CENPE: variants seen among roughly 807,000 people sequenced by gnomAD.
CENPE encodes the protein centromere protein E.
In CENPE, 145 loss-of-function variants were observed where a neutral mutation model predicts 336.1. That is an observed-to-expected ratio of 0.43 (90% CI 0.38 to 0.50). CENPE has a LOEUF of 0.50. CENPE is among the 20% of genes least tolerant of loss of function. The pLI is 0.00. For synonymous variants in CENPE, 1,013 were observed against 984.8 expected (o/e 1.03, Z -0.54); for missense variants, 2,719 against 3,023.3 (o/e 0.90, Z 2.36).
rs1157652928 is a variant in CENPE, at chr4:103,106,101, CAAAGT to C, written c.*116_*120del. ...TTCCCTTATCTTTCAACTCTAGTGG[CAAAGT>C]AAAGACTGAATTGAAATTAAGCTGC... On this transcript the variant is annotated 3_prime_UTR_variant, in exon 49 of 49. Transcript: ENST00000265148. The C allele has an allele frequency of 3.1e-5, 16 of 518,450 alleles. No homozygotes were observed. The East Asian group carries it at 4.3e-4, about 14-fold the overall frequency. 32.1% of individuals were successfully genotyped at this position (518,450 alleles called of 1,614,324 possible). A position where few individuals can be genotyped will look rare whatever the true frequency, so the allele number is the denominator to read the frequency against.
At chr4:103,160,857 C>T in intron 20 of CENPE, 78 bp from the exon 21 acceptor site, 1 of 1,265,986 alleles carries the variant, frequency 7.9e-7, no homozygotes. Flanking sequence ...CCTTGAATCA[C>T]CTTTTTCAGG....
Position 103,163,182 on chromosome 4 carries a change from G to A in CENPE, c.1797C>T (p.Asp599=), listed in dbSNP as rs1478376264. Residue 599 remains aspartate (D), a synonymous_variant, in exon 18 of 49, where the codon GAC becomes GAT. Transcript: ENST00000265148. ...DQIKKLQEYI[D]SQKLENIKMD... The stretch of plus-strand genomic sequence containing the variant: ...TTTTTATATTTTCTAGCTTTTGAGA[G>A]TCTATGTATTCCTGTAGCTTCTTAA... 2 of 1,608,944 alleles carry A rather than the reference G, an allele frequency of 1.2e-6. No homozygotes were observed. Among genetic ancestry groups the A allele is most frequent in the African/African-American group, 2.7e-5 (2 of 74,752 alleles).
Position 103,145,700 on chromosome 4 carries a change from T to C in CENPE, c.4414-19A>G. On this transcript the variant is annotated intron_variant, in intron 30 of 48. Transcript: ENST00000265148. Reference sequence around the variant, plus strand: ...CCAGGTGCTTTATTATTAGAGGAAATTCCAATAAATTTATAGAAACATTAT... The same window carrying C: ...CCAGGTGCTTTATTATTAGAGGAAACTCCAATAAATTTATAGAAACATTAT... The C allele has an allele frequency of 6.4e-7, 1 of 1,552,098 alleles. No individual in the cohort carries two copies. The highest frequency in any genetic ancestry group is 8.6e-7 in the Non-Finnish European group (1 of 1,156,772).
At chr4:103,184,333 C>G (rs978322509) in intron 9 of CENPE, among the ~76,000 whole-genome samples, 2 of 152,164 alleles carry the variant, frequency 1.3e-5, no homozygotes, top group African/African-American at 4.8e-5. Flanking sequence ...AGTGCAGGTG[C>G]AAGCTAAACC....
At chr4:103,147,696 TA>T in intron 28 of CENPE, 50 bp from the exon 29 acceptor site, 1 of 1,520,904 alleles carries the variant, frequency 6.6e-7, no homozygotes, top group African/African-American at 1.4e-5. Flanking sequence ...ATTATGATCA[TA>T]ATTTTTTTTT....
intron 39 of CENPE, among the ~76,000 whole-genome samples, chr4:103,136,980 T>C (rs1292118081): frequency 6.6e-6 from 1 of 152,012 alleles, no homozygotes; most frequent in Non-Finnish European, 1.5e-5. Flanking sequence ...TTTTCTGGGG[T>C]CAAGTAAAAT....
intron 14 of CENPE, among the ~76,000 whole-genome samples, chr4:103,176,438 T>A (rs550115617): frequency 5.3e-5 from 8 of 152,348 alleles, no homozygotes; most frequent in African/African-American, 1.7e-4. Flanking sequence ...GCAGATGCCA[T>A]ATAACTAACA....
At position 103,196,744 on chromosome 4, in the gene CENPE, C is replaced by G. The variant is rs773375088; in HGVS notation, c.148+15G>C. ...AAGGATAACAAGGTAACTTTTGATG[C>G]TATTATAAGCTTACCAAAATTGAAG... is the stretch of plus-strand genomic sequence containing the variant. On this transcript the variant is annotated intron_variant, in intron 2 of 48. Transcript: ENST00000265148. 2 of 1,213,584 alleles carry G rather than the reference C, an allele frequency of 1.6e-6. No individual in the cohort carries two copies. The highest frequency in any genetic ancestry group is 3.0e-5 in the African/African-American group (2 of 66,090). The allele number at this position is 1,213,584 out of a possible 1,614,324, so 75.2% of individuals were successfully genotyped here. A position where few individuals can be genotyped will look rare whatever the true frequency, so the allele number is the denominator to read the frequency against.
intron 33 of CENPE, 57 bp from the exon 34 acceptor site, chr4:103,143,463 T>A: frequency 1.7e-6 from 2 of 1,143,096 alleles, no homozygotes; most frequent in African/African-American, 1.6e-5. Flanking sequence ...CCACATGCTA[T>A]AGAAAGGTAT....
rs976392355 is a variant in CENPE at position 103,139,950 on chromosome 4, T to C, written c.6043A>G (p.Ser2015Gly). 1.2e-6 allele frequency: 2 copies of C among 1,613,416 alleles called. No individual in the cohort carries two copies. Among genetic ancestry groups the C allele is most frequent in the Non-Finnish European group, 1.7e-6 (2 of 1,179,658 alleles). Reference protein sequence around the residue: ...QFEAQNLSMQSVRMDNFQLTK... With the variant: ...QFEAQNLSMQGVRMDNFQLTK... ...AACTGGAAGTTATCCATTCTCACACTTTGCATAGATAAGTTTTGGGCCTCA... is the reference window on the plus strand; with the variant it reads ...AACTGGAAGTTATCCATTCTCACACCTTGCATAGATAAGTTTTGGGCCTCA... The change falls in exon 38 of 49, where the codon AGT (serine) becomes GGT (glycine). Residue 2015 changes from serine to glycine, a missense_variant. Around this residue, in one of 5 missense-constraint regions of CENPE, gnomAD observed 2,437 missense variants for 2,513.3 expected, o/e 0.97. Coordinates refer to ENST00000265148, the MANE Select transcript of CENPE (RefSeq NM_001813.3).
chr4:103,188,078 T>G lies in CENPE; in HGVS notation c.694-2217A>C, dbSNP rs1480489733. On this transcript the variant is annotated intron_variant, in intron 8 of 48. Coordinates refer to ENST00000265148, the MANE Select transcript of CENPE (RefSeq NM_001813.3). ...ATTACATAATGGTAAAGGGATCAAT[T>G]CAACAAGAAGAGCTAACTATCCTAA... 3.4e-4 allele frequency among the ~76,000 whole-genome samples: 51 copies of G among 152,088 alleles called. 1 individual carries two copies. The highest frequency in any genetic ancestry group is 7.7e-4 in the East Asian group (4 of 5,174).
In CENPE at chr4:103,145,128, C is replaced by T. The variant is rs779573228; in HGVS notation, c.4779G>A (p.Glu1593=). 3 of 1,610,014 alleles carry T rather than the reference C, an allele frequency of 1.9e-6. No homozygotes were observed. In the African/African-American group the frequency reaches 4.0e-5, roughly 22 times the overall value. ...EEIQIMIKEK[E]EMKRVQEALQ... is the part of the protein sequence containing the mutation. ...GGGCCTCCTGTACTCTTTTCATTTCCTCTTTTTCCTTAATCATAATTTGTA... is the reference window on the plus strand; with the variant it reads ...GGGCCTCCTGTACTCTTTTCATTTCTTCTTTTTCCTTAATCATAATTTGTA... The change falls in exon 32 of 49, where the codon GAG becomes GAA. Residue 1593 remains glutamate, a synonymous_variant. Transcript: ENST00000265148.
At position 103,145,679 on chromosome 4, in the gene CENPE, G is replaced by A. The variant is rs768602353; in HGVS notation, c.4416C>T (p.His1472=). 2.5e-6 allele frequency: 4 copies of A among 1,578,510 alleles called. No individual in the cohort carries two copies. Among genetic ancestry groups the A allele is most frequent in the Admixed American group, 2.0e-5 (1 of 50,608 alleles). ...KENIKEIVAK[H]LETEEELKVA... is the part of the protein sequence containing the mutation. ...CTTTAAGTTCCTCTTCAGTTTCCAG[G>A]TGCTTTATTATTAGAGGAAATTCCA... is the stretch of plus-strand genomic sequence containing the variant. Residue 1472 remains histidine (H), a splice_region_variant and synonymous_variant, in exon 31 of 49, where the codon CAC becomes CAT. Coordinates refer to ENST00000265148, the MANE Select transcript of CENPE (RefSeq NM_001813.3).
At position 103,108,761 on chromosome 4, in the gene CENPE, C is replaced by A. The variant is rs183417833; in HGVS notation, c.8011+42G>T. ...ATCACATATTAATGATAAGTTCCAA[C>A]TGTTACCCTCTGATTTCCAAGTAAC... On this transcript the variant is annotated intron_variant, in intron 48 of 48. Transcript: ENST00000265148. The A allele has an allele frequency of 2.6e-6, 4 of 1,562,986 alleles. No homozygotes were observed. The East Asian group carries it at 6.7e-5, about 26-fold the overall frequency.
At chr4:103,156,949 TA>T (rs1202474625) in intron 24 of CENPE, among the ~76,000 whole-genome samples, 1 of 145,464 alleles carries the variant, frequency 6.9e-6, no homozygotes, top group Non-Finnish European at 1.5e-5. Context: ...GCAAGGAAGA[TA>T]AACAAATGGC....
rs1244012359 is a variant in CENPE at position 103,175,970 on chromosome 4, A to T, written c.1469T>A (p.Leu490Gln). Residue 490 changes from leucine (L) to glutamine (Q), a missense_variant, in exon 15 of 49, where the codon CTA (leucine) becomes CAA (glutamine). Around this residue, in one of 5 missense-constraint regions of CENPE, gnomAD observed 2,437 missense variants for 2,513.3 expected, o/e 0.97. Coordinates refer to ENST00000265148, the MANE Select transcript of CENPE (RefSeq NM_001813.3). ...AATACATTAAGTTACCTGATTTAGT[A>T]GCTTTGTTGCTGGATTCCATTCTAT... ...SEIEWNPATK[L>Q]LNQENIESEL... 6 of 1,590,374 alleles carry T rather than the reference A, an allele frequency of 3.8e-6. No homozygotes were observed. The highest frequency in any genetic ancestry group is 2.2e-5 in the South Asian group (2 of 89,038).
chr4:103,182,815 T>C lies in CENPE; in HGVS notation c.910A>G (p.Ile304Val). 1 of 1,612,704 alleles carries C rather than the reference T, an allele frequency of 6.2e-7. No individual in the cohort carries two copies. Among genetic ancestry groups the C allele is most frequent in the Non-Finnish European group, 8.5e-7 (1 of 1,178,976 alleles). ...GATACTGGAGTAATTGTGCAGATAA[T>C]ACGTGTCTTTGCATTTCCTCCCAAG... ...NSLGGNAKTR[I>V]ICTITPVSFD... Residue 304 changes from isoleucine (I) to valine (V), a missense_variant, in exon 11 of 49, where the codon ATT becomes GTT. By Grantham distance (29) the Ile-to-Val change is conservative (BLOSUM62 3). This residue lies in a region of CENPE where 117 missense variants were observed against 215.8 expected (regional missense o/e 0.54). Transcript: ENST00000265148.
chr4:103,160,682 G>A lies in CENPE; in HGVS notation c.2229C>T (p.Val743=). ...VEENEALREE[V]ILLSELKSLP... Reference sequence around the variant, plus strand: ...AAGATTTCAATTCTGAAAGCAAAATGACTTCTTCCCGCAAAGCTTCATTTT... The same window carrying A: ...AAGATTTCAATTCTGAAAGCAAAATAACTTCTTCCCGCAAAGCTTCATTTT... Residue 743 remains valine, a synonymous_variant, in exon 21 of 49, where the codon GTC becomes GTT. Transcript: ENST00000265148. The A allele has an allele frequency of 1.2e-6, 2 of 1,610,960 alleles. No individual in the cohort carries two copies. The highest frequency in any genetic ancestry group is 1.7e-6 in the Non-Finnish European group (2 of 1,178,422).
intron 4 of CENPE, 90 bp from the exon 5 acceptor site, chr4:103,195,323 T>C: frequency 8.7e-7 from 1 of 1,149,582 alleles, no homozygotes. Context: ...AGAGGTAAAA[T>C]GTATGTAAAA....
Sources: gnomAD v4.1 joint callset for allele counts (sites outside exome capture counted in the v4.1 genomes callset) on GRCh38, gnomAD v4.1.1 for gene constraint, gnomAD v4.1.1 regional missense constraint, MANE v1.5 for transcripts, NCBI Gene and HGNC (gene_info 2026-07-23, HGNC 2026-07-21) for gene names.